IFNGR1: variants seen among roughly 807,000 people sequenced by gnomAD.
IFNGR1 encodes the protein AVP, type 2.
IFNGR1 carries 23 observed loss-of-function variants against 35.4 expected under a neutral mutation model. The observed-to-expected ratio is 0.65, with a 90% CI of 0.47 to 0.92. The LOEUF (loss-of-function observed/expected upper bound fraction) is 0.92, where lower values mean the gene tolerates loss of function less well. Ranked by LOEUF, IFNGR1 falls within the 40% of genes least tolerant of loss-of-function variation. The pLI, the probability that IFNGR1 is intolerant of heterozygous loss-of-function variation, is 0.00. For synonymous variants in IFNGR1, 199 were observed against 209.5 expected (o/e 0.95, Z 0.43); for missense variants, 533 against 583.4 (o/e 0.91, Z 0.89).
At position 137,198,034 on chromosome 6, in the gene IFNGR1, T is replaced by C. The variant is rs776078690; in HGVS notation, c.1467A>G (p.Ser489=). The C allele has an allele frequency of 8.1e-6, 13 of 1,613,976 alleles. No individual in the cohort carries two copies. Among genetic ancestry groups the C allele is most frequent in the Non-Finnish European group, 1.1e-5 (13 of 1,179,992 alleles). Residue 489 remains serine (S), a synonymous_variant, in exon 7 of 7, where the codon TCA becomes TCG. Transcript: ENST00000367739. The part of the protein sequence containing the change: ...YRPTEDSKEF[S] The stretch of plus-strand genomic sequence containing the variant: ...AGTTGGTGCAACTTAGCTGATCTCA[T>C]GAAAATTCTTTGGAATCTTCTGTTG...
chr6:137,205,259 C>A (rs970861323), intron 3 of IFNGR1, among the ~76,000 whole-genome samples: 2 of 152,016 alleles, frequency 1.3e-5, no homozygotes, highest in Non-Finnish European at 2.9e-5. Flanking sequence ...ATCTAAAAGG[C>A]AGGAGCAGAG....
chr6:137,200,710 G>A (rs886292993), intron 6 of IFNGR1, among the ~76,000 whole-genome samples, 171 bp downstream of exon 6: 1 of 151,818 alleles, frequency 6.6e-6, no homozygotes. Context: ...CAAAATACTT[G>A]CTGCACAGCA....
In IFNGR1 at chr6:137,200,604, T is replaced by C. The variant is rs987484350; in HGVS notation, c.861+277A>G. 2.0e-5 allele frequency among the ~76,000 whole-genome samples: 3 copies of C among 152,168 alleles called. No homozygotes were observed. In the South Asian group the frequency reaches 6.2e-4, roughly 31 times the overall value. Reference sequence around the variant, plus strand: ...AAATCTTTGAATCTATCACACGTTATATAGCCAATGTATATTTATCTTTTC... The same window carrying C: ...AAATCTTTGAATCTATCACACGTTACATAGCCAATGTATATTTATCTTTTC... On this transcript the variant is annotated intron_variant, in intron 6 of 6. Transcript: ENST00000367739.
intron 1 of IFNGR1, among the ~76,000 whole-genome samples, chr6:137,217,744 T>C (rs889968073): frequency 1.3e-5 from 2 of 152,220 alleles, no homozygotes; most frequent in Admixed American, 1.3e-4. Flanking sequence ...CTTAAGTTAA[T>C]AAAGCTAGGT....
rs768418453 is a variant in IFNGR1, at chr6:137,200,919, G to A, written c.823C>T (p.Pro275Ser). Residue 275 changes from proline (P) to serine (S), a missense_variant, in exon 6 of 7, where the codon CCA becomes TCA. Pro to Ser is a moderately conservative substitution (Grantham distance 74). Coordinates refer to ENST00000367739, the MANE Select transcript of IFNGR1 (RefSeq NM_000416.3). ...AATATTATGCTTTTTTCCTTCAATG[G>A]ATTAATTTTCTTAATATAAAAACAG... ...FICFYIKKIN[P>S]LKEKSIILPK... 1.2e-6 allele frequency: 2 copies of A among 1,605,668 alleles called. No individual in the cohort carries two copies. The highest frequency in any genetic ancestry group is 2.7e-5 in the African/African-American group (2 of 74,624).
rs552445915 is a variant in IFNGR1, at chr6:137,214,926, T to G, written c.85+4317A>C. 2.6e-5 allele frequency among the ~76,000 whole-genome samples: 4 copies of G among 152,332 alleles called. No individual in the cohort carries two copies. In the South Asian group the frequency reaches 6.2e-4, roughly 24 times the overall value. ...TCTCATACTGATCTGGTTAAGTTTG[T>G]TTTTTTAAAAGCCAACACAATTTCT... On this transcript the variant is annotated intron_variant, in intron 1 of 6. Coordinates refer to ENST00000367739, the MANE Select transcript of IFNGR1 (RefSeq NM_000416.3).
intron 1 of IFNGR1, among the ~76,000 whole-genome samples, chr6:137,211,781 C>A (rs1006635680): frequency 6.6e-6 from 1 of 152,174 alleles, no homozygotes; most frequent in African/African-American, 2.4e-5. Flanking sequence ...CTTCACAATC[C>A]ATATTTTAGG....
At position 137,206,284 on chromosome 6, in the gene IFNGR1, A is replaced by G; in HGVS notation, c.225T>C (p.Asp75=). ...NYGVKNSEWI[D]ACINISHHYC... is the part of the protein sequence containing the mutation. Reference sequence around the variant, plus strand: ...AATGATGAGAAATATTGATGCAGGCATCAATCCATTCTGAATTCTTAACAC... The same window carrying G: ...AATGATGAGAAATATTGATGCAGGCGTCAATCCATTCTGAATTCTTAACAC... The change falls in exon 3 of 7, where the codon GAT becomes GAC. Residue 75 remains aspartate, a synonymous_variant. Transcript: ENST00000367739. 6.2e-7 allele frequency: 1 copy of G among 1,608,074 alleles called. No homozygotes were observed. The highest frequency in any genetic ancestry group is 8.5e-7 in the Non-Finnish European group (1 of 1,174,426).
In IFNGR1 at chr6:137,203,619, G is replaced by A. The variant is rs573582641; in HGVS notation, c.613C>T (p.Pro205Ser). Reference sequence around the variant, plus strand: ...TACTGAGAATTCAGTGAGGATACTGGAATCGCTAACTGGCACTGAATCTCG... The same window carrying A: ...TACTGAGAATTCAGTGAGGATACTGAAATCGCTAACTGGCACTGAATCTCG... ...CDEIQCQLAI[P>S]VSSLNSQYCV... The change falls in exon 5 of 7, where the codon CCA becomes TCA. Residue 205 changes from proline (P) to serine (S), a missense_variant. By Grantham distance (74) the Pro-to-Ser change is moderately conservative. Coordinates refer to ENST00000367739, the MANE Select transcript of IFNGR1 (RefSeq NM_000416.3). 1 of 1,611,782 alleles carries A rather than the reference G, an allele frequency of 6.2e-7. No homozygotes were observed. Among genetic ancestry groups the A allele is most frequent in the South Asian group, 1.1e-5 (1 of 91,006 alleles).
intron 1 of IFNGR1, among the ~76,000 whole-genome samples, chr6:137,211,956 G>T (rs1473065578): frequency 6.6e-6 from 1 of 151,986 alleles, no homozygotes; most frequent in Non-Finnish European, 1.5e-5. Context: ...CTTCATTTTG[G>T]CATTTTTTTG....
At chr6:137,214,127 T>C (rs1185305137) in intron 1 of IFNGR1, among the ~76,000 whole-genome samples, 1 of 152,192 alleles carries the variant, frequency 6.6e-6, no homozygotes, top group Non-Finnish European at 1.5e-5. Context: ...TCTGGATCTT[T>C]TCCTTAAGAA....
At position 137,204,358 on chromosome 6, in the gene IFNGR1, C is replaced by T. The variant is rs779677441; in HGVS notation, c.520G>A (p.Val174Met). The change falls in exon 4 of 7, where the codon GTG (valine) becomes ATG (methionine). Residue 174 changes from valine (V) to methionine (M), a missense_variant. By Grantham distance (21) the Val-to-Met change is conservative. Transcript: ENST00000367739. ...TCACTTCCGTTCATTCTCACATACA[C>T]ATTGTACACCCTAATGTAACAGGTA... ...ETTCYIRVYN[V>M]YVRMNGSEIQ... 4 of 1,613,792 alleles carry T rather than the reference C, an allele frequency of 2.5e-6. No individual in the cohort carries two copies. The highest frequency in any genetic ancestry group is 2.7e-5 in the African/African-American group (2 of 74,924).
intron 6 of IFNGR1, among the ~76,000 whole-genome samples, chr6:137,199,235 G>A (rs369004160): frequency 1.2e-3 from 168 of 145,614 alleles, no homozygotes; most frequent in African/African-American, 4.1e-3. Flanking sequence ...ACCTCTGATC[G>A]TGTGAGTTAA....
chr6:137,200,445 C>A (rs950674440), intron 6 of IFNGR1, among the ~76,000 whole-genome samples: 2 of 152,168 alleles, frequency 1.3e-5, no homozygotes, highest in Non-Finnish European at 2.9e-5. Context: ...TTTCTTGGCT[C>A]TGGACCTCAG....
intron 6 of IFNGR1, among the ~76,000 whole-genome samples, chr6:137,199,016 C>T (rs929384001): frequency 2.0e-5 from 3 of 151,868 alleles, no homozygotes; most frequent in Admixed American, 6.6e-5. Flanking sequence ...GCCCTTAACC[C>T]GAATGGGCAC....
intron 6 of IFNGR1, among the ~76,000 whole-genome samples, chr6:137,199,514 A>AATATATAATATATAATATATAATATATT (rs1222770538): frequency 3.7e-4 from 21 of 56,094 alleles, no homozygotes; most frequent in African/African-American, 6.6e-4. Flanking sequence ...TATAATTTAT[A>AATATATAATATATAATATATAATATATT]ATATATTATA....
chr6:137,206,881 T>G, intron 2 of IFNGR1, 82 bp downstream of exon 2: 2 of 1,070,066 alleles, frequency 1.9e-6, no homozygotes, highest in Non-Finnish European at 2.9e-6. Flanking sequence ...GTGGGAAGGC[T>G]GATGAAAGAA....
At chr6:137,217,219 C>A (rs1186539488) in intron 1 of IFNGR1, among the ~76,000 whole-genome samples, 1 of 152,176 alleles carries the variant, frequency 6.6e-6, no homozygotes, top group African/African-American at 2.4e-5. Flanking sequence ...TCCTAATGGG[C>A]CTTGTGTTTA....
chr6:137,214,962 T>C (rs907372535), intron 1 of IFNGR1, among the ~76,000 whole-genome samples: 1 of 152,204 alleles, frequency 6.6e-6, no homozygotes, highest in African/African-American at 2.4e-5. Context: ...CACATATGAC[T>C]AAGGGAATTT....
Sources: allele counts gnomAD v4.1 joint callset (sites outside exome capture counted in the v4.1 genomes callset), GRCh38; gene constraint gnomAD v4.1.1; transcripts MANE v1.5; gene names NCBI Gene and HGNC (gene_info 2026-07-23, HGNC 2026-07-21).